Variants in RP1L1 observed in about 807,000 individuals in gnomAD.
The protein encoded by RP1L1 is retinitis pigmentosa 1-like 1 protein.
In RP1L1, 27 loss-of-function variants were observed where a neutral mutation model predicts 15.7. That is an observed-to-expected ratio of 1.72 (90% confidence interval 1.27 to 2.38). The LOEUF (loss-of-function observed/expected upper bound fraction) is 2.38, where lower values mean the gene tolerates loss of function less well. RP1L1 is among the 30% of genes most tolerant of loss of function. RP1L1 has a pLI of 0.00. For missense variants in RP1L1, 4,798 were observed against 3,075.9 expected, an observed-to-expected ratio of 1.56 and a Z score of -13.24; for synonymous variants, 1,813 against 1,276.7, an observed-to-expected ratio of 1.42 and a Z score of -8.96.
intron 1 of RP1L1, among the ~76,000 whole-genome samples, chr8:10,633,537 A>G (rs981185697): frequency 1.3e-5 from 2 of 152,174 alleles, no homozygotes; most frequent in Admixed American, 6.5e-5. Context: ...AACACCCTCG[A>G]TGACTCTACT....
In RP1L1 at chr8:10,608,709, T is replaced by C; in HGVS notation, c.5389A>G (p.Ile1797Val). The C allele has an allele frequency of 6.2e-7, 1 of 1,614,242 alleles. No homozygotes were observed. Among genetic ancestry groups the C allele is most frequent in the Non-Finnish European group, 8.5e-7 (1 of 1,180,048 alleles). ...LGEAEQEGEG[I>V]SERGETGGQG... is the part of the protein sequence containing the mutation. Reference sequence around the variant, plus strand: ...CCCCCAGTTTCTCCCCTTTCACTTATGCCCTCTCCCTCCTGCTCAGCTTCC... The same window carrying C: ...CCCCCAGTTTCTCCCCTTTCACTTACGCCCTCTCCCTCCTGCTCAGCTTCC... The change falls in exon 4 of 4, where the codon ATA becomes GTA. Residue 1797 changes from isoleucine (I) to valine (V), a missense_variant. Coordinates refer to ENST00000382483, the MANE Select transcript of RP1L1 (RefSeq NM_178857.6).
Position 10,611,689 on chromosome 8 carries a change from G to T in RP1L1, c.2409C>A (p.Ser803=). The stretch of plus-strand genomic sequence containing the variant: ...GTCCAACCTGCAGAACCAAGGGTGA[G>T]GAGGGCTGAGGCGTGTCCCTGGCCT... ...GEEARDTPQP[S]SPLVLQVGRP... is the part of the protein sequence containing the mutation. The change falls in exon 4 of 4, where the codon TCC becomes TCA. Residue 803 remains serine (S), a synonymous_variant. Transcript: ENST00000382483. The T allele has an allele frequency of 6.2e-7, 1 of 1,613,474 alleles. No individual in the cohort carries two copies. The highest frequency in any genetic ancestry group is 8.5e-7 in the Non-Finnish European group (1 of 1,179,992).
chr8:10,617,545 T>C (rs1426209435), intron 2 of RP1L1, among the ~76,000 whole-genome samples: 1 of 122,178 alleles, frequency 8.2e-6, no homozygotes, highest in African/African-American at 3.0e-5. Context: ...TGTTTCTTTT[T>C]CTTTTTTTTT....
rs201594207 is a variant in RP1L1 at position 10,608,887 on chromosome 8, C to T, written c.5211G>A (p.Gly1737=). 696 of 1,614,018 alleles carry T rather than the reference C, an allele frequency of 4.3e-4. 1 individual carries two copies. The highest frequency in any genetic ancestry group is 4.9e-4 in the Non-Finnish European group (584 of 1,180,040). The change falls in exon 4 of 4, where the codon GGG becomes GGA. Residue 1737 remains glycine, a synonymous_variant. Transcript: ENST00000382483. ...CATCCTCACCCTCGTCCACTCCAGGCCCCTGGCTCAGCCCCGGCCCCAGCC... is the reference window on the plus strand; with the variant it reads ...CATCCTCACCCTCGTCCACTCCAGGTCCCTGGCTCAGCCCCGGCCCCAGCC... ...EGGLGPGLSQ[G]PGVDEGEDGE...
intron 1 of RP1L1, among the ~76,000 whole-genome samples, chr8:10,649,320 C>T (rs1185127739): frequency 1.3e-5 from 2 of 152,246 alleles, no homozygotes; most frequent in African/African-American, 2.4e-5. Flanking sequence ...CGGGAGCCTA[C>T]TCTAGGGACT....
rs751143657 is a variant in RP1L1 at position 10,611,577 on chromosome 8, G to T, written c.2521C>A (p.Pro841Thr). 2 of 1,608,280 alleles carry T rather than the reference G, an allele frequency of 1.2e-6. No homozygotes were observed. Among genetic ancestry groups the T allele is most frequent in the African/African-American group, 1.3e-5 (1 of 74,902 alleles). Residue 841 changes from proline to threonine, a missense_variant, in exon 4 of 4, where the codon CCC (proline) becomes ACC (threonine). Transcript: ENST00000382483. ...CACAGCCAGCTAGCCTCAGGGGAGG[G>T]TCCCCGCTGGGCCTCTTGGGCCGGC... The part of the protein sequence containing the change: ...TQPAQEAQRG[P>T]SPEASWLCGR...
chr8:10,633,836 C>T, intron 1 of RP1L1, among the ~76,000 whole-genome samples: 1 of 152,214 alleles, frequency 6.6e-6, no homozygotes, highest in Non-Finnish European at 1.5e-5. Context: ...TTAATCTCCA[C>T]ATAGTTCCAT....
Position 10,609,712 on chromosome 8 carries a change from T to G in RP1L1, c.4386A>C (p.Pro1462=), listed in dbSNP as rs760213864. The change falls in exon 4 of 4, where the codon CCA becomes CCC. Residue 1462 remains proline (P), a synonymous_variant. Coordinates refer to ENST00000382483, the MANE Select transcript of RP1L1 (RefSeq NM_178857.6). ...EPPSHLSETD[P]SASERQSGSQ... Reference sequence around the variant, plus strand: ...AGCCACTCTGCCTCTCGCTGGCACTTGGGTCCGTCTCGCTGAGATGACTAG... The same window carrying G: ...AGCCACTCTGCCTCTCGCTGGCACTGGGGTCCGTCTCGCTGAGATGACTAG... The G allele has an allele frequency of 6.2e-7, 1 of 1,613,220 alleles. No homozygotes were observed. Among genetic ancestry groups the G allele is most frequent in the Non-Finnish European group, 8.5e-7 (1 of 1,179,682 alleles).
chr8:10,612,981 G>T lies in RP1L1; in HGVS notation c.1117C>A (p.Pro373Thr), dbSNP rs765172783. The change falls in exon 4 of 4, where the codon CCT becomes ACT. Residue 373 changes from proline to threonine, a missense_variant. By Grantham distance (38) the Pro-to-Thr change is conservative. Transcript: ENST00000382483. ...ACCCCAGGCTCTGAGAAGCCCCAAGGGTAGCCCTCCCACACACAGCAGAGG... is the reference window on the plus strand; with the variant it reads ...ACCCCAGGCTCTGAGAAGCCCCAAGTGTAGCCCTCCCACACACAGCAGAGG... ...DPLCCVWEGYPWGFSEPGVWG... is the reference protein window; with the variant it reads ...DPLCCVWEGYTWGFSEPGVWG... 7 of 1,613,084 alleles carry T rather than the reference G, an allele frequency of 4.3e-6. No individual in the cohort carries two copies. In the East Asian group the frequency reaches 8.9e-5, roughly 21 times the overall value.
chr8:10,620,867 T>G (rs1190571156), intron 2 of RP1L1, among the ~76,000 whole-genome samples: 3 of 152,184 alleles, frequency 2.0e-5, no homozygotes, highest in Non-Finnish European at 2.9e-5. Context: ...ACGGCCCATG[T>G]AGTGAGGAAC....
intron 1 of RP1L1, among the ~76,000 whole-genome samples, chr8:10,638,022 C>T (rs548789084): frequency 1.3e-5 from 2 of 152,316 alleles, no homozygotes; most frequent in South Asian, 4.1e-4. Context: ...TGGTGGCTTG[C>T]GAGACCAGAG....
intron 1 of RP1L1, among the ~76,000 whole-genome samples, chr8:10,637,329 C>G (rs1414453254): frequency 6.6e-6 from 1 of 152,224 alleles, no homozygotes. Context: ...TTATCAAATG[C>G]ACCACAATTA....
intron 2 of RP1L1, 39 bp downstream of exon 2, chr8:10,622,554 A>G: frequency 1.2e-6 from 2 of 1,613,786 alleles, no homozygotes; most frequent in South Asian, 1.1e-5. Flanking sequence ...TCAGGTCTAA[A>G]GAACCTTTTC....
intron 3 of RP1L1, among the ~76,000 whole-genome samples, chr8:10,615,153 G>A (rs1228198308): frequency 6.6e-6 from 1 of 152,182 alleles, no homozygotes; most frequent in Non-Finnish European, 1.5e-5. Context: ...CTGACCCACA[G>A]TGATCACCGA....
chr8:10,650,620 G>A (rs890455483), intron 1 of RP1L1, among the ~76,000 whole-genome samples: 2 of 151,268 alleles, frequency 1.3e-5, no homozygotes, highest in East Asian at 1.9e-4. Context: ...GCAGTGGTGC[G>A]ATCTCAGCTC....
chr8:10,615,919 T>C (rs868646908), intron 3 of RP1L1, among the ~76,000 whole-genome samples: 2 of 152,272 alleles, frequency 1.3e-5, no homozygotes, highest in Middle Eastern at 6.8e-3. Context: ...TATTTATTAA[T>C]TTTGAGACAG....
chr8:10,642,177 A>C (rs1047317502), intron 1 of RP1L1, among the ~76,000 whole-genome samples: 5 of 152,212 alleles, frequency 3.3e-5, no homozygotes, highest in African/African-American at 1.2e-4. Flanking sequence ...TGAAAGGTTT[A>C]GTTTTTTTCA....
chr8:10,632,710 G>C (rs1350127430), intron 1 of RP1L1, among the ~76,000 whole-genome samples: 2 of 152,236 alleles, frequency 1.3e-5, no homozygotes, highest in African/African-American at 4.8e-5. Context: ...TATTTGTTGA[G>C]AGACTGAATG....
chr8:10,629,944 C>G (rs919177584), intron 1 of RP1L1, among the ~76,000 whole-genome samples: 2 of 152,174 alleles, frequency 1.3e-5, no homozygotes, highest in African/African-American at 4.8e-5. Context: ...GTCCACACCA[C>G]GTAGGCATCA....
Sources: gnomAD v4.1 joint callset for allele counts (sites outside exome capture counted in the v4.1 genomes callset) on GRCh38, gnomAD v4.1.1 for gene constraint, MANE v1.5 for transcripts, NCBI Gene and HGNC (gene_info 2026-07-23, HGNC 2026-07-21) for gene names.